The following LRRC3C variants were observed in gnomAD, a reference collection of about 807,000 sequenced individuals.
LRRC3C encodes leucine rich repeat containing 3C, also known as leucine-rich repeat-containing protein 3C.
In LRRC3C, 11 loss-of-function variants were observed where a neutral mutation model predicts 14.8. The ratio of observed to expected loss-of-function variants is 0.74; its 90% CI spans 0.47 to 1.23. The LOEUF is 1.23. Among genes scored for constraint, LRRC3C ranks in the 50% most tolerant of loss-of-function variants. The pLI, the probability that LRRC3C is intolerant of heterozygous loss-of-function variation, is 0.00. For missense variants in LRRC3C, 354 were observed against 361.8 expected, an observed-to-expected ratio of 0.98 and a Z score of 0.18; for synonymous variants, 149 against 161.5, an observed-to-expected ratio of 0.92 and a Z score of 0.59.
chr17:39,942,005 C>CCACCA, intron 3 of LRRC3C, among the ~76,000 whole-genome samples: 1 of 152,110 alleles, frequency 6.6e-6, no homozygotes, highest in East Asian at 1.9e-4. Flanking sequence ...AGGGGATAAG[C>CCACCA]CACCATGGGC....
intron 1 of LRRC3C, among the ~76,000 whole-genome samples, chr17:39,933,802 T>C (rs1397574599): frequency 2.6e-5 from 4 of 152,184 alleles, no homozygotes; most frequent in African/African-American, 9.7e-5. Context: ...TCTCCACTCC[T>C]ACTCCTCCCC....
At chr17:39,933,545 T>C (rs1568117022) in intron 1 of LRRC3C, among the ~76,000 whole-genome samples, 1 of 152,074 alleles carries the variant, frequency 6.6e-6, no homozygotes, top group Admixed American at 6.5e-5. Flanking sequence ...CCATCCTGGC[T>C]AACACAGTGA....
At chr17:39,943,827 C>T in intron 3 of LRRC3C, 106 bp from the exon 4 acceptor site, 3 of 1,108,826 alleles carry the variant, frequency 2.7e-6, no homozygotes, top group Admixed American at 4.5e-5. Context: ...AGAAGAGGCC[C>T]CAGCCCAAAA....
chr17:39,930,457 C>A (rs1215524561), intron 1 of LRRC3C, among the ~76,000 whole-genome samples: 7 of 141,716 alleles, frequency 4.9e-5, no homozygotes, highest in Non-Finnish European at 9.0e-5. Context: ...CCTGTAACCC[C>A]AGTACTTTGG....
Position 39,944,493 on chromosome 17 carries a change from T to C in LRRC3C, c.587T>C (p.Val196Ala). 2.2e-6 allele frequency: 3 copies of C among 1,374,568 alleles called. No homozygotes were observed. The highest frequency in any genetic ancestry group is 2.8e-6 in the Non-Finnish European group (3 of 1,054,662). The allele number at this position is 1,374,568 out of a possible 1,614,324, so 85.1% of individuals were successfully genotyped here. Residue 196 changes from valine to alanine, a missense_variant, in exon 4 of 4, where the codon GTG becomes GCG. Transcript: ENST00000377924. ...GGCTCAGGAGCCCGACCGGACCTCGTGGGGCAGGAGTTCCTGCTGCTGGCA... is the reference window on the plus strand; with the variant it reads ...GGCTCAGGAGCCCGACCGGACCTCGCGGGGCAGGAGTTCCTGCTGCTGGCA... ...VCGSGARPDL[V>A]GQEFLLLAGE...
At chr17:39,933,656 C>G in intron 1 of LRRC3C, among the ~76,000 whole-genome samples, 1 of 152,104 alleles carries the variant, frequency 6.6e-6, no homozygotes, top group South Asian at 2.1e-4. Flanking sequence ...TGGCGTGAAC[C>G]CGGGAGGCGG....
chr17:39,936,003 A>T, intron 2 of LRRC3C, 109 bp downstream of exon 2: 1 of 486,844 alleles, frequency 2.1e-6, no homozygotes, highest in Non-Finnish European at 2.7e-6. Flanking sequence ...GGTCTCCAAC[A>T]TCAGGGAGGG....
intron 2 of LRRC3C, 41 bp from the exon 3 acceptor site, chr17:39,941,402 G>A: frequency 3.8e-5 from 21 of 558,698 alleles, no homozygotes; most frequent in Non-Finnish European, 4.5e-5. Context: ...TTTGAAACAA[G>A]GGACCCCCCC....
chr17:39,941,535 C>G lies in LRRC3C; in HGVS notation c.12C>G (p.Thr4=). MRM[T]SSSFVSYCTP... Reference sequence around the variant, plus strand: ...CAGAAAGGTCTCCAATGCGTATGACCTCATCTTCCTTCGTGTAAGTATATC... The same window carrying G: ...CAGAAAGGTCTCCAATGCGTATGACGTCATCTTCCTTCGTGTAAGTATATC... Residue 4 remains threonine (T), a synonymous_variant, in exon 3 of 4, where the codon ACC becomes ACG. Transcript: ENST00000377924. 6.5e-7 allele frequency: 1 copy of G among 1,535,714 alleles called. No homozygotes were observed. The highest frequency in any genetic ancestry group is 8.7e-7 in the Non-Finnish European group (1 of 1,146,712).
intron 1 of LRRC3C, chr17:39,934,647 C>T (rs1477932419): frequency 6.6e-6 from 1 of 152,166 alleles, no homozygotes; most frequent in Non-Finnish European, 1.5e-5. Context: ...AACTATGTAA[C>T]GGAACTGTTA....
At chr17:39,930,744 T>C (rs1978628503) in intron 1 of LRRC3C, among the ~76,000 whole-genome samples, 2 of 149,670 alleles carry the variant, frequency 1.3e-5, no homozygotes, top group Non-Finnish European at 1.5e-5. Context: ...TTTTATTAAG[T>C]TATCAGGCAA....
chr17:39,936,569 G>A (rs528767710), intron 2 of LRRC3C, among the ~76,000 whole-genome samples: 1 of 151,592 alleles, frequency 6.6e-6, no homozygotes, highest in South Asian at 2.1e-4. Context: ...TTGGGAAGTC[G>A]AGGAGGGTGG....
In LRRC3C at chr17:39,941,442, G is replaced by A; in HGVS notation, c.-81-1G>A. 8.7e-7 allele frequency: 1 copy of A among 1,152,082 alleles called. No individual in the cohort carries two copies. The allele number at this position is 1,152,082 out of a possible 1,614,324, so 71.4% of individuals were successfully genotyped here. ...ACACCCCATTTTTATTTTGCACTCA[G>A]CTCTACAATTCCGTGTCCAGTCCTG... On this transcript the variant is annotated splice_acceptor_variant, in intron 2 of 3. Transcript: ENST00000377924. LOFTEE classifies it low-confidence loss of function (5UTR_SPLICE).
chr17:39,942,717 G>C (rs929265276), intron 3 of LRRC3C, among the ~76,000 whole-genome samples: 2 of 152,210 alleles, frequency 1.3e-5, no homozygotes, highest in Non-Finnish European at 2.9e-5. Flanking sequence ...TGTTTTCCAA[G>C]GAAAGACTAG....
At chr17:39,939,419 A>G (rs753579759) in intron 2 of LRRC3C, 29 of 985,358 alleles carry the variant, frequency 2.9e-5, no homozygotes, top group Non-Finnish European at 3.5e-5. Flanking sequence ...CAGACCATCA[A>G]TTCTCAACTC....
intron 1 of LRRC3C, among the ~76,000 whole-genome samples, chr17:39,932,008 A>G (rs566766265): frequency 6.6e-5 from 10 of 152,124 alleles, no homozygotes; most frequent in Non-Finnish European, 1.3e-4. Context: ...CTAAACCTGC[A>G]TATACGTTAA....
At chr17:39,932,338 TATTA>T (rs1372616895) in intron 1 of LRRC3C, among the ~76,000 whole-genome samples, 3 of 152,224 alleles carry the variant, frequency 2.0e-5, no homozygotes, top group Admixed American at 1.3e-4. Context: ...TGTTGCCTTT[TATTA>T]ATTCATTCCA....
At chr17:39,941,411 C>CA (rs144312254) in intron 2 of LRRC3C, 32 bp from the exon 3 acceptor site, 62,262 of 720,948 alleles carry the variant, frequency 0.086, 3,524 homozygotes, top group African/African-American at 0.11. Context: ...AGGGACCCCC[C>CA]CACACACACC....
chr17:39,940,534 T>C (rs556123907), intron 2 of LRRC3C, among the ~76,000 whole-genome samples: 2 of 152,158 alleles, frequency 1.3e-5, no homozygotes. Context: ...TACCTCAGCC[T>C]CCCGAGTAGC....
Sources: gnomAD v4.1 joint callset for allele counts (sites outside exome capture counted in the v4.1 genomes callset) on GRCh38, gnomAD v4.1.1 for gene constraint, MANE v1.5 for transcripts, NCBI Gene and HGNC (gene_info 2026-07-23, HGNC 2026-07-21) for gene names.